The following DGKB variants were observed in gnomAD, a reference collection of about 807,000 sequenced individuals.
DGKB encodes diacylglycerol kinase beta, also known as 90 kDa diacylglycerol kinase.
In DGKB, 67 loss-of-function variants were observed where a neutral mutation model predicts 114.3. That is an observed-to-expected ratio of 0.59 (90% CI 0.48 to 0.72). The LOEUF is 0.72. DGKB is among the 30% of genes least tolerant of loss of function. The pLI is 0.00. For synonymous variants in DGKB, 398 were observed against 323.1 expected, an observed-to-expected ratio of 1.23 and a Z score of -2.49; for missense variants, 907 against 975.2, an observed-to-expected ratio of 0.93 and a Z score of 0.93.
At chr7:14,694,981 G>A (rs960614523) in intron 8 of DGKB, among the ~76,000 whole-genome samples, 1 of 151,910 alleles carries the variant, frequency 6.6e-6, no homozygotes, top group Non-Finnish European at 1.5e-5. Flanking sequence ...TGGCAAACAT[G>A]GTAAGAATTC....
intron 9 of DGKB, among the ~76,000 whole-genome samples, chr7:14,689,202 T>TTTTTTTTTTTTTG (rs1822308924): frequency 1.1e-5 from 1 of 94,782 alleles, no homozygotes; most frequent in Non-Finnish European, 2.0e-5. Context: ...TCCTCTTATT[T>TTTTTTTTTTTTTG]TTTTTTTTTT....
intron 19 of DGKB, among the ~76,000 whole-genome samples, chr7:14,577,581 C>T (rs781425394): frequency 6.6e-6 from 1 of 151,990 alleles, no homozygotes; most frequent in Non-Finnish European, 1.5e-5. Flanking sequence ...TGCGCCACTG[C>T]ACTCCAGCCT....
chr7:14,167,658 A>T (rs1784805362), intron 25 of DGKB, among the ~76,000 whole-genome samples: 1 of 152,184 alleles, frequency 6.6e-6, no homozygotes, highest in African/African-American at 2.4e-5. Context: ...GTATATCATC[A>T]CCAAGTTTTC....
chr7:14,893,366 T>C (rs1435804050), intron 1 of DGKB, among the ~76,000 whole-genome samples: 2 of 151,474 alleles, frequency 1.3e-5, no homozygotes, highest in Non-Finnish European at 3.0e-5. Flanking sequence ...TTTCCTGGTC[T>C]TTAGAACATT....
At chr7:14,890,694 C>T (rs1039160275) in intron 1 of DGKB, among the ~76,000 whole-genome samples, 13 of 151,114 alleles carry the variant, frequency 8.6e-5, no homozygotes, top group African/African-American at 2.7e-4. Context: ...GAAAATACAC[C>T]GGCTAATCAC....
chr7:14,574,254 T>A lies in DGKB; in HGVS notation c.1728A>T (p.Pro576=). Reference sequence around the variant, plus strand: ...AATTATTGATGATACTGTAAGGCACTGGGTCTCCTTTCTCATCTTTGTCAT... The same window carrying A: ...AATTATTGATGATACTGTAAGGCACAGGGTCTCCTTTCTCATCTTTGTCAT... ...IPNDKDEKGD[P]VPYSIINNYF... is the part of the protein sequence containing the mutation. The change falls in exon 20 of 26, where the codon CCA becomes CCT. Residue 576 remains proline, a synonymous_variant. Coordinates refer to ENST00000402815, the MANE Select transcript of DGKB (RefSeq NM_001350709.2). 1 of 1,613,504 alleles carries A rather than the reference T, an allele frequency of 6.2e-7. No individual in the cohort carries two copies. Among genetic ancestry groups the A allele is most frequent in the Non-Finnish European group, 8.5e-7 (1 of 1,179,608 alleles).
chr7:14,697,532 T>G (rs1408181972), intron 8 of DGKB, among the ~76,000 whole-genome samples: 2 of 152,050 alleles, frequency 1.3e-5, no homozygotes, highest in Non-Finnish European at 2.9e-5. Flanking sequence ...GTTAACAGCT[T>G]CAGAACCCCA....
intron 25 of DGKB, among the ~76,000 whole-genome samples, chr7:14,174,321 C>T (rs1469687982): frequency 6.6e-6 from 1 of 152,174 alleles, no homozygotes; most frequent in African/African-American, 2.4e-5. Flanking sequence ...TTATTTCCTT[C>T]ATAAAATAAG....
intron 1 of DGKB, among the ~76,000 whole-genome samples, chr7:14,969,123 AG>A (rs1787322060): frequency 6.6e-6 from 1 of 152,180 alleles, no homozygotes; most frequent in South Asian, 2.1e-4. Flanking sequence ...GAACAACCAA[AG>A]GTAGGTAGAA....
chr7:14,705,787 A>G (rs943637207), intron 6 of DGKB, among the ~76,000 whole-genome samples: 14 of 152,114 alleles, frequency 9.2e-5, no homozygotes, highest in Admixed American at 6.5e-4. Flanking sequence ...TCACCACCAG[A>G]CCTGCCCTAA....
chr7:14,414,766 A>C (rs2128750655), intron 21 of DGKB, among the ~76,000 whole-genome samples: 1 of 152,236 alleles, frequency 6.6e-6, no homozygotes, highest in East Asian at 1.9e-4. Flanking sequence ...CTTCATTCTA[A>C]ATAGGTTGAC....
chr7:14,790,712 T>A (rs1047681695), intron 2 of DGKB, among the ~76,000 whole-genome samples: 5 of 152,190 alleles, frequency 3.3e-5, no homozygotes, highest in Non-Finnish European at 7.3e-5. Flanking sequence ...AGCTTGTATA[T>A]AGTAAGGTCT....
intron 13 of DGKB, among the ~76,000 whole-genome samples, chr7:14,655,169 C>G (rs1391622702): frequency 6.6e-6 from 1 of 151,694 alleles, no homozygotes; most frequent in East Asian, 1.9e-4. Context: ...ATACAAGGAA[C>G]TCAAACAACT....
intron 1 of DGKB, among the ~76,000 whole-genome samples, chr7:14,962,287 G>GT (rs1562906730): frequency 1.3e-5 from 2 of 152,092 alleles, no homozygotes; most frequent in African/African-American, 4.8e-5. Context: ...GAGAATGGCT[G>GT]TATCTATTTG....
intron 21 of DGKB, among the ~76,000 whole-genome samples, chr7:14,465,645 A>C (rs1442325025): frequency 1.3e-5 from 2 of 152,140 alleles, no homozygotes; most frequent in Non-Finnish European, 2.9e-5. Context: ...CTGATTAGAA[A>C]ATTGGGGCAT....
At chr7:14,448,782 G>C (rs1016133148) in intron 21 of DGKB, among the ~76,000 whole-genome samples, 1 of 152,052 alleles carries the variant, frequency 6.6e-6, no homozygotes, top group African/African-American at 2.4e-5. Context: ...GTAGAGCTGG[G>C]ATTCAAATCC....
chr7:14,423,351 G>A (rs992513900), intron 21 of DGKB, among the ~76,000 whole-genome samples: 3 of 151,968 alleles, frequency 2.0e-5, no homozygotes, highest in African/African-American at 4.8e-5. Flanking sequence ...AAAGAATGGT[G>A]TTATTTATCT....
At position 14,153,670 on chromosome 7, in the gene DGKB, C is replaced by T. The variant is rs202087053; in HGVS notation, c.2305-4432G>A. ...TCTTTTTTGCCAATCAAATTTCTAT[C>T]CCTGTCCTGCCTAGCTTAAATCACA... On this transcript the variant is annotated intron_variant, in intron 25 of 25. Coordinates refer to ENST00000402815, the MANE Select transcript of DGKB (RefSeq NM_001350709.2). Among the ~76,000 whole-genome samples the T allele has an allele frequency of 3.3e-5, 5 of 152,066 alleles. No individual in the cohort carries two copies. The East Asian group carries it at 9.7e-4, about 29-fold the overall frequency.
intron 21 of DGKB, among the ~76,000 whole-genome samples, chr7:14,374,058 C>T (rs1818107038): frequency 6.6e-6 from 1 of 152,036 alleles, no homozygotes. Flanking sequence ...TTCTCTTCTC[C>T]TCTTCCAATC....
Sources: allele counts gnomAD v4.1 joint callset (sites outside exome capture counted in the v4.1 genomes callset), GRCh38; gene constraint gnomAD v4.1.1; transcripts MANE v1.5; gene names NCBI Gene and HGNC (gene_info 2026-07-23, HGNC 2026-07-21).